Variants in ITGAM observed in about 807,000 individuals in gnomAD.
The protein encoded by ITGAM is integrin subunit alpha M.
Under a neutral mutation model 137.5 loss-of-function variants are expected in ITGAM, and 79 were observed. That is an observed-to-expected ratio of 0.57 (90% CI 0.48 to 0.69). The LOEUF (loss-of-function observed/expected upper bound fraction) is 0.69. Ranked by LOEUF, ITGAM falls within the 30% of genes least tolerant of loss-of-function variation. The pLI is 0.00. For synonymous variants in ITGAM, 583 were observed against 592.3 expected, an observed-to-expected ratio of 0.98 and a Z score of 0.23; for missense variants, 1,343 against 1,483.5, an observed-to-expected ratio of 0.91 and a Z score of 1.56.
At chr16:31,271,398 G>T (rs1014878273) in intron 6 of ITGAM, among the ~76,000 whole-genome samples, 7 of 152,200 alleles carry the variant, frequency 4.6e-5, no homozygotes, top group African/African-American at 1.7e-4. Context: ...TTTCTCTCAG[G>T]CTGGAGTGCA....
At chr16:31,306,766 T>C in intron 14 of ITGAM, among the ~76,000 whole-genome samples, 1 of 152,146 alleles carries the variant, frequency 6.6e-6, no homozygotes, top group East Asian at 1.9e-4. Flanking sequence ...CGTCTCAGCA[T>C]CCCAAAGTGC....
chr16:31,274,867 G>A (rs1173373310), intron 8 of ITGAM, among the ~76,000 whole-genome samples: 6 of 152,264 alleles, frequency 3.9e-5, no homozygotes, highest in South Asian at 2.1e-4. Flanking sequence ...TGATCTGCCC[G>A]CCTTGGCCTT....
At chr16:31,281,821 A>G (rs930016872) in intron 12 of ITGAM, among the ~76,000 whole-genome samples, 3 of 152,070 alleles carry the variant, frequency 2.0e-5, no homozygotes, top group East Asian at 1.9e-4. Flanking sequence ...TAAGGTGTCA[A>G]TTTTAGATCT....
chr16:31,310,336 G>C (rs1432592100), intron 14 of ITGAM, among the ~76,000 whole-genome samples: 2 of 142,004 alleles, frequency 1.4e-5, no homozygotes, highest in African/African-American at 2.6e-5. Flanking sequence ...GTACACCAAT[G>C]AGATGTAGAT....
chr16:31,328,312 G>T (rs758889780), intron 23 of ITGAM, 82 bp downstream of exon 23: 34 of 1,053,716 alleles, frequency 3.2e-5, no homozygotes, highest in Non-Finnish European at 4.9e-5. Context: ...ATGAGTCTGT[G>T]CATGTGTGTG....
chr16:31,302,450 T>C (rs1012653678), intron 14 of ITGAM, among the ~76,000 whole-genome samples: 11 of 119,412 alleles, frequency 9.2e-5, no homozygotes, highest in Non-Finnish European at 1.6e-4. Flanking sequence ...TTTCTTTCTT[T>C]CTTCCTTCCT....
chr16:31,300,048 A>G (rs1193499217), intron 14 of ITGAM, among the ~76,000 whole-genome samples: 1 of 151,820 alleles, frequency 6.6e-6, no homozygotes, highest in Non-Finnish European at 1.5e-5. Flanking sequence ...TTTTGTAGAG[A>G]TGGGGTCTCC....
intron 5 of ITGAM, among the ~76,000 whole-genome samples, chr16:31,270,150 T>C (rs1173036389): frequency 1.5e-5 from 1 of 68,372 alleles, no homozygotes; most frequent in Admixed American, 1.5e-4. Context: ...TTCCTTTCCT[T>C]TCCTTTCCTT....
intron 5 of ITGAM, among the ~76,000 whole-genome samples, chr16:31,268,791 C>G (rs929870): frequency 6.6e-6 from 1 of 152,096 alleles, no homozygotes; most frequent in Non-Finnish European, 1.5e-5. Context: ...AGTGCTGTTT[C>G]CATCAAACGG....
chr16:31,297,709 C>T (rs754942455), intron 13 of ITGAM, 36 bp from the exon 14 acceptor site: 107 of 1,585,466 alleles, frequency 6.7e-5, no homozygotes, highest in Admixed American at 1.1e-4. Context: ...GGAGGGGTCG[C>T]CTGGGTTGGG....
chr16:31,330,129 G>T lies in ITGAM; in HGVS notation c.3025G>T (p.Asp1009Tyr). 1 of 1,613,722 alleles carries T rather than the reference G, an allele frequency of 6.2e-7. No homozygotes were observed. Among genetic ancestry groups the T allele is most frequent in the South Asian group, 1.1e-5 (1 of 91,024 alleles). The change falls in exon 26 of 30, where the codon GAC becomes TAC. Residue 1009 changes from aspartate (D) to tyrosine (Y), a missense_variant. Coordinates refer to ENST00000544665, the MANE Select transcript of ITGAM (RefSeq NM_000632.4). Reference protein sequence around the residue: ...HTKERLPSHSDFLAELRKAPV... With the variant: ...HTKERLPSHSYFLAELRKAPV... Reference sequence around the variant, plus strand: ...CAAGGAGCGCTTGCCCTCTCACTCCGACTTTCTGGCTGAGCTTCGGAAGGC... The same window carrying T: ...CAAGGAGCGCTTGCCCTCTCACTCCTACTTTCTGGCTGAGCTTCGGAAGGC...
chr16:31,331,208 C>G lies in ITGAM; in HGVS notation c.3320C>G (p.Pro1107Arg). The G allele has an allele frequency of 6.2e-7, 1 of 1,613,478 alleles. No individual in the cohort carries two copies. The highest frequency in any genetic ancestry group is 8.5e-7 in the Non-Finnish European group (1 of 1,179,646). Reference protein sequence around the residue: ...VEPFEVPNPLPLIVGSSVGGL... With the variant: ...VEPFEVPNPLRLIVGSSVGGL... ...CCGTTCGAGGTCCCCAACCCCCTGC[C>G]GCTCATCGTGGGCAGCTCTGTCGGG... The change falls in exon 29 of 30, where the codon CCG becomes CGG. Residue 1107 changes from proline to arginine, a missense_variant. Physicochemically the swap from Pro to Arg is moderately radical, Grantham distance 103. Transcript: ENST00000544665.
chr16:31,278,223 G>A (rs988006282), intron 12 of ITGAM, 114 bp downstream of exon 12: 2 of 1,178,792 alleles, frequency 1.7e-6, no homozygotes, highest in Non-Finnish European at 1.2e-6. Flanking sequence ...GAGGCTTTGG[G>A]GGCTGTGAGC....
rs779950132 is a variant in ITGAM at position 31,271,015 on chromosome 16, A to G, written c.489A>G (p.Pro163=). 3 of 1,592,058 alleles carry G rather than the reference A, an allele frequency of 1.9e-6. No individual in the cohort carries two copies. The South Asian group carries it at 3.4e-5, about 18-fold the overall frequency. Residue 163 remains proline, a synonymous_variant, in exon 6 of 30, where the codon CCA becomes CCG. Coordinates refer to ENST00000544665, the MANE Select transcript of ITGAM (RefSeq NM_000632.4). ...TTGATGGCTCTGGTAGCATCATCCC[A>G]CATGACTTTCGGCGGATGAAGGAGT... is the stretch of plus-strand genomic sequence containing the variant. ...FLIDGSGSII[P]HDFRRMKEFV... is the part of the protein sequence containing the mutation.
chr16:31,292,502 G>A (rs975273220), intron 12 of ITGAM, among the ~76,000 whole-genome samples: 1 of 152,096 alleles, frequency 6.6e-6, no homozygotes, highest in African/African-American at 2.4e-5. Flanking sequence ...ACTAATAAGT[G>A]AGAACATGCA....
At chr16:31,281,125 T>C (rs553653087) in intron 12 of ITGAM, among the ~76,000 whole-genome samples, 2 of 152,330 alleles carry the variant, frequency 1.3e-5, no homozygotes, top group African/African-American at 4.8e-5. Flanking sequence ...TTTGTCAGTA[T>C]TTTATTGAGG....
chr16:31,272,455 A>T (rs2079858469), intron 7 of ITGAM, among the ~76,000 whole-genome samples: 2 of 11,416 alleles, frequency 1.8e-4, no homozygotes, highest in Non-Finnish European at 1.5e-4. Context: ...ATATATATAT[A>T]TATATATATT....
chr16:31,332,260 CGAGCCTGCGGCCTGCTG>C lies in ITGAM; in HGVS notation c.*563_*579del, dbSNP rs1466488530. ...AAGAAGTGGGACTTCCCGTCGCCTG[CGAGCCTGCGGCCTGCTG>C]GAGCCTGCGCAGCTTGGATGGAGAC... On this transcript the variant is annotated 3_prime_UTR_variant, in exon 30 of 30. Coordinates refer to ENST00000544665, the MANE Select transcript of ITGAM (RefSeq NM_000632.4). 6.6e-6 allele frequency: 1 copy of C among 152,470 alleles called. No individual in the cohort carries two copies. Among genetic ancestry groups the C allele is most frequent in the Admixed American group, 6.5e-5 (1 of 15,290 alleles). The allele number at this position is 152,470 out of a possible 1,614,324, so 9.4% of individuals were successfully genotyped here.
Position 31,273,308 on chromosome 16 carries a change from A to AC in ITGAM, c.705-57_705-56insC, listed in dbSNP as rs2079871431. The AC allele has an allele frequency of 2.0e-6, 3 of 1,512,740 alleles. No individual in the cohort carries two copies. The South Asian group carries it at 3.8e-5, about 19-fold the overall frequency. 93.7% of individuals were successfully genotyped at this position (1,512,740 alleles called of 1,614,324 possible). Reference sequence around the variant, plus strand: ...GAGTGTCTATTTCTTAAAAAAAAAAAAAAACTAGTGTGTCATCTACTTGCA... The same window carrying AC: ...GAGTGTCTATTTCTTAAAAAAAAAAACAAAACTAGTGTGTCATCTACTTGCA... On this transcript the variant is annotated intron_variant, in intron 7 of 29. Transcript: ENST00000544665.
Sources: gnomAD v4.1 joint callset for allele counts (sites outside exome capture counted in the v4.1 genomes callset) on GRCh38, gnomAD v4.1.1 for gene constraint, MANE v1.5 for transcripts, NCBI Gene and HGNC (gene_info 2026-07-23, HGNC 2026-07-21) for gene names.